The following LEPR variants were observed in gnomAD, a reference collection of about 807,000 sequenced individuals.
The protein encoded by LEPR is OB receptor.
A neutral mutation model predicts 114.7 loss-of-function variants in LEPR; 56 were observed. The ratio of observed to expected loss-of-function variants is 0.49; its 90% CI spans 0.39 to 0.61. LEPR has a LOEUF of 0.61. Ranked by LOEUF, LEPR falls within the 20% of genes least tolerant of loss-of-function variation. The pLI is 0.00. For synonymous variants in LEPR, 443 were observed against 461.4 expected (o/e 0.96, Z 0.51); for missense variants, 1,202 against 1,352.9 (o/e 0.89, Z 1.75).
At chr1:65,592,511 C>G (rs1655771892) in intron 5 of LEPR, 146 bp from the exon 6 acceptor site, 3 of 736,012 alleles carry the variant, frequency 4.1e-6, no homozygotes, top group Non-Finnish European at 6.2e-6. Context: ...CTTTGTTTTT[C>G]TAATGTAGGG....
chr1:65,443,554 A>G (rs1217284092), intron 2 of LEPR, among the ~76,000 whole-genome samples: 1 of 151,958 alleles, frequency 6.6e-6, no homozygotes, highest in Non-Finnish European at 1.5e-5. Flanking sequence ...CTAAATATAT[A>G]AAAAGATATA....
At chr1:65,437,044 T>G (rs1646573104) in intron 2 of LEPR, among the ~76,000 whole-genome samples, 1 of 152,152 alleles carries the variant, frequency 6.6e-6, no homozygotes, top group South Asian at 2.1e-4. Context: ...CTCCAGTACT[T>G]CCAACCATCC....
At chr1:65,595,726 TA>T (rs1421099920) in intron 6 of LEPR, among the ~76,000 whole-genome samples, 5 of 152,122 alleles carry the variant, frequency 3.3e-5, no homozygotes, top group African/African-American at 9.7e-5. Flanking sequence ...CTGTTAATTG[TA>T]AAAACCTTGC....
intron 9 of LEPR, 52 bp from the exon 10 acceptor site, chr1:65,601,791 G>T (rs1421283283): frequency 1.9e-6 from 3 of 1,578,376 alleles, no homozygotes; most frequent in Admixed American, 3.5e-5. Flanking sequence ...TTTTTTCATT[G>T]AATTTTTTGG....
intron 2 of LEPR, among the ~76,000 whole-genome samples, chr1:65,513,250 G>T (rs1407448393): frequency 6.6e-6 from 1 of 152,184 alleles, no homozygotes; most frequent in Non-Finnish European, 1.5e-5. Flanking sequence ...TGGTGTTAGG[G>T]AAGGAACAGT....
chr1:65,583,428 G>C (rs1169604793), intron 5 of LEPR, among the ~76,000 whole-genome samples: 2 of 152,088 alleles, frequency 1.3e-5, no homozygotes, highest in Non-Finnish European at 2.9e-5. Context: ...TCTGGGAATC[G>C]TTCAAGTTCC....
intron 19 of LEPR, chr1:65,635,186 T>C (rs1342908274): frequency 6.2e-6 from 6 of 960,022 alleles, no homozygotes; most frequent in Non-Finnish European, 7.4e-6. Flanking sequence ...AGTTTAAAAA[T>C]TGTAAAATTC....
At chr1:65,634,067 A>G (rs1658623999) in intron 19 of LEPR, 2 of 985,406 alleles carry the variant, frequency 2.0e-6, no homozygotes, top group Non-Finnish European at 2.4e-6. Context: ...TTTTATGAAT[A>G]GTTCATGGTG....
Position 65,633,279 on chromosome 1 carries a change from T to A in LEPR, c.2674-2912T>A, listed in dbSNP as rs1658598135. 1.3e-6 allele frequency: 2 copies of A among 1,538,786 alleles called. No individual in the cohort carries two copies. The highest frequency in any genetic ancestry group is 1.4e-5 in the African/African-American group (1 of 72,166). ...AGAAGGGGAGCAAATCTAAAAAAAA[T>A]TCAGTTGAACTTCTGAGAGTTAACA... is the stretch of plus-strand genomic sequence containing the variant. On this transcript the variant is annotated intron_variant, in intron 19 of 19. Coordinates refer to ENST00000349533, the MANE Select transcript of LEPR (RefSeq NM_002303.6). The surrounding 1 kb of genome is among the most constrained non-coding windows in gnomAD (Gnocchi z 4.1).
chr1:65,520,065 G>A (rs534982775), intron 2 of LEPR, among the ~76,000 whole-genome samples: 12 of 152,166 alleles, frequency 7.9e-5, no homozygotes, highest in Admixed American at 5.2e-4. Flanking sequence ...GGGTTTCACC[G>A]TGTTAGCCAG....
intron 1 of LEPR, chr1:65,421,516 A>G (rs754375852): frequency 4.9e-5 from 75 of 1,530,626 alleles, no homozygotes; most frequent in Non-Finnish European, 5.0e-5. Flanking sequence ...TTGTTTTTAT[A>G]TTGGCTTTTA....
Position 65,462,388 on chromosome 1 carries a change from C to T in LEPR, c.-21+37010C>T, listed in dbSNP as rs540839752. On this transcript the variant is annotated intron_variant, in intron 2 of 19. Transcript: ENST00000349533. ...TGTATATGTGCTACATTTTCTTAAT[C>T]CGTTCTATCATTGATAGACATTTGG... 1.1e-3 allele frequency among the ~76,000 whole-genome samples: 173 copies of T among 152,298 alleles called. 1 individual carries two copies. Among genetic ancestry groups the T allele is most frequent in the Admixed American group, 4.9e-3 (75 of 15,296 alleles).
intron 7 of LEPR, among the ~76,000 whole-genome samples, chr1:65,597,308 A>G (rs1468870447): frequency 6.6e-6 from 1 of 152,008 alleles, no homozygotes; most frequent in Non-Finnish European, 1.5e-5. Flanking sequence ...GATGATTCCA[A>G]ATAAAGTCTT....
In LEPR at chr1:65,621,359, T is replaced by C. The variant is rs1321355802; in HGVS notation, c.2498T>C (p.Ile833Thr). The C allele has an allele frequency of 4.3e-6, 7 of 1,611,920 alleles. No homozygotes were observed. Among genetic ancestry groups the C allele is most frequent in the Admixed American group, 3.3e-5 (2 of 59,934 alleles). Residue 833 changes from isoleucine (I) to threonine (T), a missense_variant, in exon 18 of 20, where the codon ATT becomes ACT. Coordinates refer to ENST00000349533, the MANE Select transcript of LEPR (RefSeq NM_002303.6). ...AATTGTATTTCTTTTTCAGATGATA[T>C]TGAAAAACACCAGAGTGATGCAGGT... ...KIINSFTQDD[I>T]EKHQSDAGLY...
At position 65,558,501 on chromosome 1, in the gene LEPR, G is replaced by GTTTTTTTTTTTTTTTTTTTTTT. The variant is rs781558613; in HGVS notation, c.-20-7030_-20-7029insTTTTTTTTTTTTTTTTTTTTTT. Among the ~76,000 whole-genome samples the GTTTTTTTTTTTTTTTTTTTTTT allele has an allele frequency of 5.6e-4, 13 of 23,156 alleles. 3 individuals are homozygous for GTTTTTTTTTTTTTTTTTTTTTT. Among genetic ancestry groups the GTTTTTTTTTTTTTTTTTTTTTT allele is most frequent in the Admixed American group, 1.1e-3 (2 of 1,826 alleles). The allele number at this position is 23,156 out of a possible 152,430, so 15.2% of individuals were successfully genotyped here. On this transcript the variant is annotated intron_variant, in intron 2 of 19. Transcript: ENST00000349533. The stretch of plus-strand genomic sequence containing the variant: ...TGAGTCATGAGACATGTTTCTTAAT[G>GTTTTTTTTTTTTTTTTTTTTTT]TTTTTTTTTTTTTTTGAATCAGAAG...
chr1:65,490,555 C>T (rs554369904), intron 2 of LEPR, among the ~76,000 whole-genome samples: 1 of 152,098 alleles, frequency 6.6e-6, no homozygotes, highest in East Asian at 1.9e-4. Flanking sequence ...GAACTTTTCC[C>T]CGTTCAATCC....
chr1:65,502,917 A>G (rs965868782), intron 2 of LEPR, among the ~76,000 whole-genome samples: 3 of 151,802 alleles, frequency 2.0e-5, no homozygotes, highest in Non-Finnish European at 4.4e-5. Context: ...ACTAACTTGT[A>G]GAGAAAACCA....
At chr1:65,543,281 A>G (rs1376915534) in intron 2 of LEPR, among the ~76,000 whole-genome samples, 1 of 151,902 alleles carries the variant, frequency 6.6e-6, no homozygotes, top group Non-Finnish European at 1.5e-5. Flanking sequence ...GTGTCTGTTC[A>G]TATCCTTTGC....
chr1:65,568,814 C>T (rs1039608244), intron 3 of LEPR, among the ~76,000 whole-genome samples: 4 of 152,154 alleles, frequency 2.6e-5, no homozygotes, highest in African/African-American at 7.2e-5. Context: ...ATTTCCTTTT[C>T]TCTGCATCCT....
Sources: allele counts gnomAD v4.1 joint callset (sites outside exome capture counted in the v4.1 genomes callset), GRCh38; gene constraint gnomAD v4.1.1; non-coding constraint Gnocchi (gnomAD v3.1); transcripts MANE v1.5; gene names NCBI Gene and HGNC (gene_info 2026-07-23, HGNC 2026-07-21).